Variants in MELK observed in about 807,000 individuals in gnomAD.
MELK encodes maternal embryonic leucine zipper kinase.
A neutral mutation model predicts 85.0 loss-of-function variants in MELK; 81 were observed. The ratio of observed to expected loss-of-function variants is 0.95; its 90% CI spans 0.80 to 1.15. The LOEUF is 1.15. Among genes scored for constraint, MELK ranks in the 50% most tolerant of loss-of-function variants. The pLI, the probability that MELK is intolerant of heterozygous loss-of-function variation, is 0.00. For missense variants in MELK, 754 were observed against 777.5 expected (o/e 0.97, Z 0.36); for synonymous variants, 252 against 265.0 (o/e 0.95, Z 0.48).
At chr9:36,626,978 AAAAG>A (rs1827992757) in intron 8 of MELK, among the ~76,000 whole-genome samples, 2 of 151,388 alleles carry the variant, frequency 1.3e-5, no homozygotes, top group African/African-American at 2.4e-5. Context: ...AAAAAAAAAA[AAAAG>A]AAAAGAAGTA....
intron 17 of MELK, among the ~76,000 whole-genome samples, chr9:36,676,466 G>A (rs1587649560): frequency 6.6e-6 from 1 of 152,096 alleles, no homozygotes; most frequent in Non-Finnish European, 1.5e-5. Flanking sequence ...AGGATCATAC[G>A]TATGTCTTAA....
intron 8 of MELK, among the ~76,000 whole-genome samples, chr9:36,609,447 CTTTTT>C (rs58390406): frequency 7.5e-6 from 1 of 132,744 alleles, no homozygotes; most frequent in Non-Finnish European, 1.6e-5. Flanking sequence ...CTTTCTTCTT[CTTTTT>C]TTTTTTTTTT....
At chr9:36,610,110 G>C (rs1825941708) in intron 8 of MELK, among the ~76,000 whole-genome samples, 1 of 152,150 alleles carries the variant, frequency 6.6e-6, no homozygotes, top group Non-Finnish European at 1.5e-5. Context: ...AGAAGTGGGA[G>C]AGACGTGGGG....
At chr9:36,639,493 A>C (rs1354639930) in intron 10 of MELK, among the ~76,000 whole-genome samples, 5 of 152,234 alleles carry the variant, frequency 3.3e-5, no homozygotes, top group African/African-American at 1.2e-4. Flanking sequence ...TATTGCATCA[A>C]ATAGAAATTA....
intron 8 of MELK, among the ~76,000 whole-genome samples, chr9:36,612,301 G>A (rs1160542131): frequency 6.6e-6 from 1 of 152,098 alleles, no homozygotes; most frequent in Non-Finnish European, 1.5e-5. Context: ...TTGCCATGTT[G>A]GCCAAGCTGG....
At chr9:36,672,429 C>G (rs540592488) in intron 16 of MELK, among the ~76,000 whole-genome samples, 2 of 152,192 alleles carry the variant, frequency 1.3e-5, no homozygotes, top group South Asian at 4.1e-4. Context: ...TAAGCAGTTA[C>G]CAAATACTAA....
intron 1 of MELK, among the ~76,000 whole-genome samples, chr9:36,577,474 C>T (rs917593421): frequency 6.6e-6 from 1 of 152,016 alleles, no homozygotes; most frequent in African/African-American, 2.4e-5. Flanking sequence ...TGAGATCGCA[C>T]TACTGCACTG....
At chr9:36,610,734 A>G (rs1026974654) in intron 8 of MELK, among the ~76,000 whole-genome samples, 13 of 152,114 alleles carry the variant, frequency 8.5e-5, no homozygotes, top group Non-Finnish European at 1.5e-4. Context: ...TACAGGGGAG[A>G]GTAGGGTTAG....
Position 36,677,403 on chromosome 9 carries a change from G to T in MELK, c.*66G>T. ...ATACAGCCTACATAAAGACTGTTATGATCGCTTTGATTTTAAAGTTCATTG... is the reference window on the plus strand; with the variant it reads ...ATACAGCCTACATAAAGACTGTTATTATCGCTTTGATTTTAAAGTTCATTG... On this transcript the variant is annotated 3_prime_UTR_variant, in exon 18 of 18. Coordinates refer to ENST00000298048, the MANE Select transcript of MELK (RefSeq NM_014791.4). The T allele has an allele frequency of 7.2e-7, 1 of 1,389,418 alleles. No individual in the cohort carries two copies. The highest frequency in any genetic ancestry group is 9.6e-7 in the Non-Finnish European group (1 of 1,047,114). 86.1% of individuals were successfully genotyped at this position (1,389,418 alleles called of 1,614,324 possible).
intron 8 of MELK, among the ~76,000 whole-genome samples, chr9:36,612,001 C>T (rs145590006): frequency 0.025 from 3,808 of 151,764 alleles, 147 homozygotes; most frequent in African/African-American, 0.085. Context: ...TTGAACTCCT[C>T]ACCTCGTGAT....
chr9:36,636,076 T>G (rs1035242775), intron 10 of MELK, among the ~76,000 whole-genome samples: 1 of 152,036 alleles, frequency 6.6e-6, no homozygotes, highest in African/African-American at 2.4e-5. Flanking sequence ...CGTGAGCCAC[T>G]GTGCCTGGCC....
At chr9:36,670,899 G>T (rs574715875) in intron 15 of MELK, 99 bp from the exon 16 acceptor site, 5 of 1,226,610 alleles carry the variant, frequency 4.1e-6, no homozygotes, top group Non-Finnish European at 5.4e-6. Context: ...ACCTGAGTGA[G>T]GCATCCTAAT....
At chr9:36,651,218 A>G (rs1830667041) in intron 11 of MELK, among the ~76,000 whole-genome samples, 2 of 152,214 alleles carry the variant, frequency 1.3e-5, no homozygotes, top group Non-Finnish European at 1.5e-5. Context: ...CCAGGACCCT[A>G]CTGACCTCTT....
At chr9:36,615,838 G>A (rs1826680029) in intron 8 of MELK, among the ~76,000 whole-genome samples, 1 of 150,454 alleles carries the variant, frequency 6.6e-6, no homozygotes, top group African/African-American at 2.5e-5. Context: ...AGATGGGATG[G>A]CGGCCGGGCG....
chr9:36,584,494 AT>A (rs1015431561), intron 3 of MELK, among the ~76,000 whole-genome samples: 15,769 of 88,666 alleles, frequency 0.18, 1,030 homozygotes, highest in East Asian at 0.33. Flanking sequence ...ATTTTTTTGT[AT>A]TTTTTTTTTT....
At chr9:36,612,245 G>A (rs904508672) in intron 8 of MELK, among the ~76,000 whole-genome samples, 3 of 151,686 alleles carry the variant, frequency 2.0e-5, no homozygotes, top group Admixed American at 6.6e-5. Flanking sequence ...ACAATCATGC[G>A]CCACCGTGCC....
chr9:36,664,867 T>A (rs1304888287), intron 13 of MELK, among the ~76,000 whole-genome samples: 1 of 152,220 alleles, frequency 6.6e-6, no homozygotes, highest in Admixed American at 6.5e-5. Flanking sequence ...ATTCTCATGT[T>A]TTTAGTTTGG....
At chr9:36,666,970 T>C (rs908874835) in intron 14 of MELK, among the ~76,000 whole-genome samples, 1 of 150,568 alleles carries the variant, frequency 6.6e-6, no homozygotes, top group African/African-American at 2.4e-5. Flanking sequence ...TTCAGTGAGA[T>C]AGCCTCTACC....
chr9:36,592,907 A>G (rs904835585), intron 4 of MELK, among the ~76,000 whole-genome samples: 4 of 152,178 alleles, frequency 2.6e-5, no homozygotes, highest in African/African-American at 9.6e-5. Flanking sequence ...CTATCACCTC[A>G]GAAAGTTTTC....
Sources: gnomAD v4.1 joint callset for allele counts (sites outside exome capture counted in the v4.1 genomes callset) on GRCh38, gnomAD v4.1.1 for gene constraint, MANE v1.5 for transcripts, NCBI Gene and HGNC (gene_info 2026-07-23, HGNC 2026-07-21) for gene names.